The following DCBLD2 variants were observed in gnomAD, a reference collection of about 807,000 sequenced individuals.
DCBLD2 encodes the protein discoidin, CUB and LCCL domain-containing protein 2.
DCBLD2 carries 54 observed loss-of-function variants against 86.8 expected under a neutral mutation model. The ratio of observed to expected loss-of-function variants is 0.62; its 90% CI spans 0.50 to 0.78. The LOEUF is 0.78. Among genes scored for constraint, DCBLD2 ranks in the 30% least tolerant of loss-of-function variants. DCBLD2 has a pLI of 0.00. For synonymous variants in DCBLD2, 354 were observed against 341.3 expected, an observed-to-expected ratio of 1.04 and a Z score of -0.41; for missense variants, 908 against 954.2, an observed-to-expected ratio of 0.95 and a Z score of 0.64.
intron 2 of DCBLD2, among the ~76,000 whole-genome samples, chr3:98,880,981 C>T (rs1339862314): frequency 2.6e-5 from 4 of 152,044 alleles, no homozygotes; most frequent in Admixed American, 6.5e-5. Flanking sequence ...CAGTGGTTTA[C>T]GCCTGTAATC....
chr3:98,899,091 A>C (rs1039609598), intron 1 of DCBLD2, among the ~76,000 whole-genome samples: 3 of 151,988 alleles, frequency 2.0e-5, no homozygotes, highest in Non-Finnish European at 2.9e-5. Flanking sequence ...CTAAAAAAAA[A>C]AAAAGTCTTT....
At chr3:98,842,792 A>G (rs889484167) in intron 3 of DCBLD2, among the ~76,000 whole-genome samples, 1 of 152,218 alleles carries the variant, frequency 6.6e-6, no homozygotes, top group Non-Finnish European at 1.5e-5. Context: ...TCCATACACT[A>G]AAAAATGAAT....
In DCBLD2 at chr3:98,879,513, A is replaced by G. The variant is rs909227224; in HGVS notation, c.433+2027T>C. 4.6e-5 allele frequency among the ~76,000 whole-genome samples: 7 copies of G among 151,994 alleles called. No individual in the cohort carries two copies. In the East Asian group the frequency reaches 9.7e-4, roughly 21 times the overall value. ...GCCATTCTCCTCCCTCAGCCTCCCAAGTAGCTGGGACTACAGGCGCCCGCC... is the reference window on the plus strand; with the variant it reads ...GCCATTCTCCTCCCTCAGCCTCCCAGGTAGCTGGGACTACAGGCGCCCGCC... On this transcript the variant is annotated intron_variant, in intron 2 of 15. Transcript: ENST00000326840.
intron 2 of DCBLD2, among the ~76,000 whole-genome samples, chr3:98,870,806 A>AAGAAAGAAAGG (rs1943266871): frequency 8.1e-6 from 1 of 123,300 alleles, no homozygotes; most frequent in African/African-American, 3.1e-5. Context: ...AGAAAGAAAG[A>AAGAAAGAAAGG]AAGAAAGGTA....
chr3:98,887,098 A>G (rs932164356), intron 1 of DCBLD2, among the ~76,000 whole-genome samples: 8 of 151,938 alleles, frequency 5.3e-5, no homozygotes, highest in Admixed American at 3.3e-4. Context: ...GATTTCCAAA[A>G]TTATTTCCTT....
At chr3:98,839,192 C>CTTCCT (rs1942571637) in intron 3 of DCBLD2, among the ~76,000 whole-genome samples, 1 of 139,428 alleles carries the variant, frequency 7.2e-6, no homozygotes, top group Admixed American at 7.4e-5. Context: ...TCCTTCCTTC[C>CTTCCT]TTCCTTCCTT....
chr3:98,808,619 A>G (rs1941882139), intron 12 of DCBLD2, among the ~76,000 whole-genome samples: 1 of 152,220 alleles, frequency 6.6e-6, no homozygotes, highest in Non-Finnish European at 1.5e-5. Flanking sequence ...ACTAGTAATC[A>G]AAGAAATACA....
At chr3:98,865,112 T>C (rs761688172) in intron 2 of DCBLD2, among the ~76,000 whole-genome samples, 1 of 152,184 alleles carries the variant, frequency 6.6e-6, no homozygotes, top group Non-Finnish European at 1.5e-5. Context: ...CTACTGGGTA[T>C]ACATATCCAA....
At chr3:98,879,731 A>G (rs1424448016) in intron 2 of DCBLD2, among the ~76,000 whole-genome samples, 1 of 152,222 alleles carries the variant, frequency 6.6e-6, no homozygotes, top group African/African-American at 2.4e-5. Context: ...GATATGTCAC[A>G]ATGTAGAACA....
Position 98,900,975 on chromosome 3 carries a change from C to T in DCBLD2, c.205+147G>A, listed in dbSNP as rs144280675. On this transcript the variant is annotated intron_variant, in intron 1 of 15. Transcript: ENST00000326840. Reference sequence around the variant, plus strand: ...GACGGGCAAGACCTTGCCTTTGCAACTCAACCCCGTGAGTACCCAGCCAGG... The same window carrying T: ...GACGGGCAAGACCTTGCCTTTGCAATTCAACCCCGTGAGTACCCAGCCAGG... 4.3e-5 allele frequency: 60 copies of T among 1,397,016 alleles called. No individual in the cohort carries two copies. The South Asian group carries it at 8.0e-4, about 19-fold the overall frequency. The allele number at this position is 1,397,016 out of a possible 1,614,324, so 86.5% of individuals were successfully genotyped here.
At chr3:98,852,249 CTTTT>C (rs35325243) in intron 2 of DCBLD2, among the ~76,000 whole-genome samples, 6 of 147,218 alleles carry the variant, frequency 4.1e-5, no homozygotes, top group Non-Finnish European at 4.5e-5. Flanking sequence ...TAGGATATTT[CTTTT>C]TTTTTTTTTT....
chr3:98,831,759 AT>A (rs113622073), intron 3 of DCBLD2, among the ~76,000 whole-genome samples: 2 of 151,862 alleles, frequency 1.3e-5, no homozygotes, highest in Admixed American at 1.3e-4. Flanking sequence ...GTTTTGAGCC[AT>A]TTTTTTTAGT....
At chr3:98,868,699 T>C (rs941388273) in intron 2 of DCBLD2, among the ~76,000 whole-genome samples, 3 of 152,162 alleles carry the variant, frequency 2.0e-5, no homozygotes, top group African/African-American at 7.2e-5. Context: ...TGAGAACATA[T>C]GGTACTTGGT....
At chr3:98,839,533 A>G (rs545919303) in intron 3 of DCBLD2, among the ~76,000 whole-genome samples, 2 of 152,366 alleles carry the variant, frequency 1.3e-5, no homozygotes, top group East Asian at 3.9e-4. Flanking sequence ...TCATAGAATA[A>G]CAGTGTCCTT....
intron 3 of DCBLD2, among the ~76,000 whole-genome samples, chr3:98,839,837 AAGTT>A (rs528990155): frequency 5.3e-5 from 8 of 152,210 alleles, no homozygotes; most frequent in Non-Finnish European, 8.8e-5. Context: ...AAGTTTTAAA[AAGTT>A]AGGGAGTTAC....
intron 2 of DCBLD2, among the ~76,000 whole-genome samples, chr3:98,857,399 G>C (rs1942953155): frequency 6.6e-6 from 1 of 152,226 alleles, no homozygotes; most frequent in Non-Finnish European, 1.5e-5. Context: ...GGCTCCGGCA[G>C]CCTGCTTTTA....
intron 7 of DCBLD2, 61 bp from the exon 8 acceptor site, chr3:98,819,478 T>C (rs772664262): frequency 6.4e-7 from 1 of 1,553,278 alleles, no homozygotes; most frequent in East Asian, 2.3e-5. Context: ...CATGTAGACC[T>C]GCTCACTGAA....
intron 3 of DCBLD2, among the ~76,000 whole-genome samples, chr3:98,832,125 T>G (rs1372451502): frequency 2.0e-5 from 3 of 152,238 alleles, no homozygotes; most frequent in African/African-American, 7.2e-5. Flanking sequence ...TGGGTGCTCC[T>G]GTGTTGAGTG....
intron 12 of DCBLD2, among the ~76,000 whole-genome samples, chr3:98,809,466 A>C (rs1256794016): frequency 6.6e-6 from 1 of 152,102 alleles, no homozygotes; most frequent in Non-Finnish European, 1.5e-5. Flanking sequence ...CAGGTGATAT[A>C]ATCAGCCTTG....
Sources: allele counts gnomAD v4.1 joint callset (sites outside exome capture counted in the v4.1 genomes callset), GRCh38; gene constraint gnomAD v4.1.1; transcripts MANE v1.5; gene names NCBI Gene and HGNC (gene_info 2026-07-23, HGNC 2026-07-21).